The following RERE variants were observed in gnomAD, a reference collection of about 807,000 sequenced individuals.
RERE encodes the protein arginine-glutamic acid dipeptide repeats protein.
RERE carries 40 observed loss-of-function variants against 146.1 expected under a neutral mutation model. That is an observed-to-expected ratio of 0.27 (90% confidence interval 0.21 to 0.36). The LOEUF (loss-of-function observed/expected upper bound fraction) is 0.36. Among genes scored for constraint, RERE ranks in the 10% least tolerant of loss-of-function variants. The pLI is 1.00. For synonymous variants in RERE, 1,003 were observed against 866.0 expected, an observed-to-expected ratio of 1.16 and a Z score of -2.78; for missense variants, 1,933 against 2,138.7, an observed-to-expected ratio of 0.90 and a Z score of 1.90.
chr1:8,795,250 TCCTGACTTTGTGACCTGCCCGCCTCGG>T (rs1386682552), intron 1 of RERE, among the ~76,000 whole-genome samples: 12 of 151,996 alleles, frequency 7.9e-5, no homozygotes, highest in African/African-American at 2.7e-4. Flanking sequence ...GGTCTCGAAC[TCCTGACTTTGTGACCTGCCCGCCTCGG>T]CCTCCCAAAG....
intron 12 of RERE, among the ~76,000 whole-genome samples, chr1:8,404,059 G>A (rs1643360586): frequency 6.6e-6 from 1 of 151,678 alleles, no homozygotes; most frequent in South Asian, 2.1e-4. Flanking sequence ...TCCATCTCTT[G>A]ACTTCGTGAT....
chr1:8,451,417 GC>G (rs1436568869), intron 11 of RERE, among the ~76,000 whole-genome samples: 2 of 146,028 alleles, frequency 1.4e-5, no homozygotes, highest in Non-Finnish European at 3.0e-5. Context: ...GGGTGACAGA[GC>G]AAAATTCCAT....
At chr1:8,733,643 T>G (rs908377521) in intron 1 of RERE, among the ~76,000 whole-genome samples, 3 of 152,220 alleles carry the variant, frequency 2.0e-5, no homozygotes, top group African/African-American at 7.2e-5. Flanking sequence ...TATGTTGCAA[T>G]TGGATCCTCC....
At chr1:8,498,696 AAAAAAAAAAAAAAT>A (rs1260814063) in intron 8 of RERE, among the ~76,000 whole-genome samples, 24 of 130,902 alleles carry the variant, frequency 1.8e-4, no homozygotes, top group Non-Finnish European at 2.9e-4. Flanking sequence ...ACTCCATCTC[AAAAAAAAAAAAAAT>A]AAAAAAAAAA....
intron 4 of RERE, among the ~76,000 whole-genome samples, chr1:8,559,307 G>GAACAA (rs1007597812): frequency 4.6e-5 from 3 of 65,798 alleles, no homozygotes; most frequent in South Asian, 4.9e-4. Flanking sequence ...AAAAAAAACA[G>GAACAA]AACAAAACAA....
chr1:8,507,973 A>AAG (rs1489395160), intron 8 of RERE, among the ~76,000 whole-genome samples: 2 of 152,148 alleles, frequency 1.3e-5, no homozygotes, highest in Non-Finnish European at 2.9e-5. Context: ...TCCTGACCTC[A>AAG]AGAGATCTGC....
chr1:8,715,760 C>T (rs1245295479), intron 1 of RERE, among the ~76,000 whole-genome samples: 1 of 151,820 alleles, frequency 6.6e-6, no homozygotes, highest in Non-Finnish European at 1.5e-5. Context: ...AAAAATTAGC[C>T]AGGTGTAGTG....
chr1:8,652,246 G>A (rs555282703), intron 2 of RERE, among the ~76,000 whole-genome samples: 11 of 152,222 alleles, frequency 7.2e-5, no homozygotes, highest in South Asian at 2.1e-4. Context: ...TGGGTGCCAC[G>A]GAAATCTTCC....
intron 7 of RERE, 25 bp from the exon 8 acceptor site, chr1:8,508,700 A>G: frequency 6.3e-7 from 1 of 1,586,872 alleles, no homozygotes. Flanking sequence ...GAGCAGATTA[A>G]GTTAGCGCAA....
At chr1:8,739,246 C>A (rs1640260931) in intron 1 of RERE, among the ~76,000 whole-genome samples, 1 of 152,114 alleles carries the variant, frequency 6.6e-6, no homozygotes, top group Non-Finnish European at 1.5e-5. Context: ...GACAGAGCAC[C>A]CAAGAAAGAG....
chr1:8,416,586 CAAAAAAAAA>C (rs5772324), intron 12 of RERE, among the ~76,000 whole-genome samples: 2 of 105,966 alleles, frequency 1.9e-5, no homozygotes, highest in African/African-American at 3.7e-5. Context: ...ACTCCATCTC[CAAAAAAAAA>C]AAAAAAAGAA....
intron 12 of RERE, among the ~76,000 whole-genome samples, chr1:8,416,427 A>C (rs1376904137): frequency 6.6e-6 from 1 of 151,968 alleles, no homozygotes; most frequent in Non-Finnish European, 1.5e-5. Context: ...TCTACTAAAA[A>C]CACAAAAAAT....
chr1:8,749,857 A>G (rs1452760781), intron 1 of RERE, among the ~76,000 whole-genome samples: 1 of 152,184 alleles, frequency 6.6e-6, no homozygotes, highest in African/African-American at 2.4e-5. Context: ...CTCTGTGTAA[A>G]GAATGAACTA....
chr1:8,416,613 G>C (rs1268800362), intron 12 of RERE, among the ~76,000 whole-genome samples: 1 of 146,086 alleles, frequency 6.8e-6, no homozygotes, highest in Non-Finnish European at 1.5e-5. Flanking sequence ...GAAAAGAAAA[G>C]AAAAGAAAAG....
chr1:8,699,703 A>G (rs373403306), intron 1 of RERE, among the ~76,000 whole-genome samples: 10 of 152,270 alleles, frequency 6.6e-5, no homozygotes, highest in Admixed American at 6.5e-4. Context: ...ATTAGAGAAA[A>G]CATTTTCTAT....
chr1:8,364,483 G>A lies in RERE; in HGVS notation c.1541-228C>T, dbSNP rs2124375853. ...CAACTTGGGGTGCCCAGGAAAAGCT[G>A]GCAGCAAGCTCCTGGGAACTACAGT... On this transcript the variant is annotated intron_variant, in intron 14 of 22. Coordinates refer to ENST00000400908, the MANE Select transcript of RERE (RefSeq NM_001042681.2). This position sits in a 1 kb window ranked among gnomAD's most constrained non-coding sequence, Gnocchi z 5.1. 6.6e-6 allele frequency among the ~76,000 whole-genome samples: 1 copy of A among 152,214 alleles called. No homozygotes were observed. The highest frequency in any genetic ancestry group is 1.9e-4 in the East Asian group (1 of 5,162).
At chr1:8,803,564 T>C (rs1010867301) in intron 1 of RERE, among the ~76,000 whole-genome samples, 4 of 152,098 alleles carry the variant, frequency 2.6e-5, no homozygotes, top group Non-Finnish European at 4.4e-5. Flanking sequence ...TACTAAAGTT[T>C]TGAAGGGGAA....
chr1:8,558,848 T>A (rs1646037705), intron 4 of RERE, among the ~76,000 whole-genome samples: 1 of 148,536 alleles, frequency 6.7e-6, no homozygotes, highest in Non-Finnish European at 1.5e-5. Flanking sequence ...CAGGCTGGAG[T>A]GCAGTGGCGT....
At position 8,681,649 on chromosome 1, in the gene RERE, T is replaced by C. The variant is rs921248629; in HGVS notation, c.-144-25208A>G. ...AACAAATTGAGATTAGGTAACACTTTAAGTTCTATATCACAAGTCTTAAAC... is the reference window on the plus strand; with the variant it reads ...AACAAATTGAGATTAGGTAACACTTCAAGTTCTATATCACAAGTCTTAAAC... On this transcript the variant is annotated intron_variant, in intron 1 of 22. Transcript: ENST00000400908. Among the ~76,000 whole-genome samples, 4 of 152,232 alleles carry C rather than the reference T, an allele frequency of 2.6e-5. 1 individual carries two copies. Among genetic ancestry groups the C allele is most frequent in the Non-Finnish European group, 5.9e-5 (4 of 68,036 alleles).
Sources: gnomAD v4.1 joint callset for allele counts (sites outside exome capture counted in the v4.1 genomes callset) on GRCh38, gnomAD v4.1.1 for gene constraint, Gnocchi (gnomAD v3.1) non-coding constraint, MANE v1.5 for transcripts, NCBI Gene and HGNC (gene_info 2026-07-23, HGNC 2026-07-21) for gene names.